Variants in CACNA2D3 observed in about 807,000 individuals in gnomAD.
CACNA2D3 encodes the protein calcium voltage-gated channel auxiliary subunit alpha2delta 3.
Under a neutral mutation model 160.6 loss-of-function variants are expected in CACNA2D3, and 60 were observed. The ratio of observed to expected loss-of-function variants is 0.37; its 90% CI spans 0.30 to 0.46. CACNA2D3 has a LOEUF of 0.46. Ranked by LOEUF, CACNA2D3 falls within the 20% of genes least tolerant of loss-of-function variation. The probability of loss-of-function intolerance (pLI) is 1.00; values close to 1 mark genes in which losing one functional copy is unlikely to be tolerated. For synonymous variants in CACNA2D3, 558 were observed against 492.9 expected (o/e 1.13, Z -1.75); for missense variants, 1,205 against 1,365.0 (o/e 0.88, Z 1.85).
chr3:54,140,700 A>G (rs1362441021), intron 2 of CACNA2D3, among the ~76,000 whole-genome samples: 1 of 152,104 alleles, frequency 6.6e-6, no homozygotes, highest in African/African-American at 2.4e-5. Flanking sequence ...TCTGGGTTGC[A>G]CACCCACCCT....
chr3:54,559,379 G>A (rs539034975), intron 5 of CACNA2D3, among the ~76,000 whole-genome samples: 14 of 151,868 alleles, frequency 9.2e-5, no homozygotes, highest in Non-Finnish European at 1.8e-4. Flanking sequence ...CTCAACCTCC[G>A]CCTCCCAGGT....
chr3:54,675,111 G>A (rs150154054), intron 11 of CACNA2D3, among the ~76,000 whole-genome samples: 138 of 152,100 alleles, frequency 9.1e-4, no homozygotes, highest in African/African-American at 2.9e-3. Context: ...AGGAGGAGGG[G>A]GACATTTTTG....
intron 27 of CACNA2D3, among the ~76,000 whole-genome samples, chr3:54,930,658 G>T (rs1225102328): frequency 6.6e-6 from 1 of 152,208 alleles, no homozygotes; most frequent in African/African-American, 2.4e-5. Flanking sequence ...ATTCCCTAAA[G>T]TTCTATGGTC....
chr3:54,296,068 C>T (rs1703336141), intron 2 of CACNA2D3, among the ~76,000 whole-genome samples: 1 of 152,168 alleles, frequency 6.6e-6, no homozygotes, highest in African/African-American at 2.4e-5. Flanking sequence ...CGCCTTTGCC[C>T]AGCCTTGGAA....
intron 4 of CACNA2D3, among the ~76,000 whole-genome samples, chr3:54,466,647 T>C (rs1014972465): frequency 6.6e-6 from 1 of 152,144 alleles, no homozygotes; most frequent in Non-Finnish European, 1.5e-5. Context: ...GACTTAAACA[T>C]GTGGAAAAGT....
intron 11 of CACNA2D3, among the ~76,000 whole-genome samples, chr3:54,691,681 C>T (rs1351808156): frequency 1.3e-5 from 2 of 152,154 alleles, no homozygotes; most frequent in Non-Finnish European, 2.9e-5. Context: ...TCCTTCAGAC[C>T]CCAGTGGCTT....
At chr3:54,678,772 T>C (rs1700290625) in intron 11 of CACNA2D3, among the ~76,000 whole-genome samples, 2 of 145,188 alleles carry the variant, frequency 1.4e-5, no homozygotes. Flanking sequence ...GTTAATTAAT[T>C]GCATAAACAT....
chr3:54,207,693 T>G (rs1454283097), intron 2 of CACNA2D3, among the ~76,000 whole-genome samples: 1 of 152,004 alleles, frequency 6.6e-6, no homozygotes, highest in Non-Finnish European at 1.5e-5. Flanking sequence ...CATTCCACCA[T>G]ATGGGGAGTG....
chr3:54,992,780 GAAAAAAA>G (rs5849065), intron 31 of CACNA2D3, among the ~76,000 whole-genome samples: 7 of 137,366 alleles, frequency 5.1e-5, no homozygotes, highest in African/African-American at 1.1e-4. Flanking sequence ...TGAACAACAA[GAAAAAAA>G]AAAAAAAGAA....
intron 2 of CACNA2D3, among the ~76,000 whole-genome samples, chr3:54,311,842 CAGTTTA>C (rs1703750436): frequency 3.9e-5 from 6 of 152,280 alleles, no homozygotes; most frequent in Admixed American, 2.0e-4. Context: ...GCCACATTTT[CAGTTTA>C]AGTTTCTTTT....
At chr3:54,725,570 C>G (rs1419667503) in intron 11 of CACNA2D3, among the ~76,000 whole-genome samples, 1 of 152,162 alleles carries the variant, frequency 6.6e-6, no homozygotes, top group East Asian at 1.9e-4. Flanking sequence ...CCACCACAAT[C>G]AAGTCAGCCT....
At chr3:54,967,526 G>A (rs983070032) in intron 27 of CACNA2D3, among the ~76,000 whole-genome samples, 2 of 152,136 alleles carry the variant, frequency 1.3e-5, no homozygotes, top group Non-Finnish European at 2.9e-5. Flanking sequence ...TAAAAATGGG[G>A]AGGTTGTGTG....
chr3:55,067,006 G>A (rs548673102), intron 35 of CACNA2D3, among the ~76,000 whole-genome samples: 7 of 151,754 alleles, frequency 4.6e-5, no homozygotes, highest in Non-Finnish European at 1.0e-4. Context: ...AGCTAACATT[G>A]CCCAGGCCCC....
At chr3:54,293,114 C>G (rs146586537) in intron 2 of CACNA2D3, among the ~76,000 whole-genome samples, 1 of 152,282 alleles carries the variant, frequency 6.6e-6, no homozygotes, top group East Asian at 1.9e-4. Flanking sequence ...TACGAAGTAC[C>G]TGGAATAGGC....
intron 18 of CACNA2D3, 79 bp from the exon 19 acceptor site, chr3:54,878,939 T>C (rs1191229007): frequency 7.2e-6 from 6 of 831,806 alleles, no homozygotes; most frequent in Admixed American, 6.0e-5. Context: ...GAGGCTCCAC[T>C]GCACGCTGAG....
chr3:54,129,323 A>T (rs1396791945), intron 2 of CACNA2D3, among the ~76,000 whole-genome samples: 10 of 152,236 alleles, frequency 6.6e-5, no homozygotes, highest in Non-Finnish European at 1.3e-4. Context: ...TTACAAATAC[A>T]TACTTGAAAA....
At chr3:54,496,841 T>C (rs1359357990) in intron 4 of CACNA2D3, among the ~76,000 whole-genome samples, 1 of 152,162 alleles carries the variant, frequency 6.6e-6, no homozygotes, top group African/African-American at 2.4e-5. Context: ...AATGTAGTTT[T>C]TAGTCATTTG....
At chr3:54,464,396 G>A (rs952168656) in intron 4 of CACNA2D3, among the ~76,000 whole-genome samples, 14 of 152,338 alleles carry the variant, frequency 9.2e-5, no homozygotes, top group African/African-American at 3.4e-4. Flanking sequence ...ACAGAGGCAG[G>A]CAGGCCTCCT....
intron 4 of CACNA2D3, among the ~76,000 whole-genome samples, chr3:54,403,467 C>T (rs931504803): frequency 1.3e-5 from 2 of 151,464 alleles, no homozygotes; most frequent in African/African-American, 4.9e-5. Context: ...CTATGGGATA[C>T]AACAAAAGTG....
Sources: allele counts gnomAD v4.1 joint callset (sites outside exome capture counted in the v4.1 genomes callset), GRCh38; gene constraint gnomAD v4.1.1; transcripts MANE v1.5; gene names NCBI Gene and HGNC (gene_info 2026-07-23, HGNC 2026-07-21).